Variants in GPCPD1 observed in about 807,000 individuals in gnomAD.
GPCPD1 encodes the protein glycerophosphocholine phosphodiesterase GPCPD1.
GPCPD1 carries 29 observed loss-of-function variants against 89.2 expected under a neutral mutation model. The observed-to-expected ratio is 0.33, with a 90% CI of 0.24 to 0.44. The LOEUF is 0.44. Ranked by LOEUF, GPCPD1 falls within the 20% of genes least tolerant of loss-of-function variation. The pLI is 1.00. For synonymous variants in GPCPD1, 258 were observed against 266.3 expected (o/e 0.97, Z 0.30); for missense variants, 594 against 808.9 (o/e 0.73, Z 3.22).
chr20:5,582,254 G>A (rs1370977820), intron 6 of GPCPD1, among the ~76,000 whole-genome samples: 2 of 136,022 alleles, frequency 1.5e-5, no homozygotes, highest in South Asian at 2.5e-4. Flanking sequence ...AACATGTAGT[G>A]TAAATATTAC....
At chr20:5,583,139 G>A (rs6107656) in intron 6 of GPCPD1, among the ~76,000 whole-genome samples, 22,206 of 148,350 alleles carry the variant, frequency 0.15, 1,826 homozygotes, top group Middle Eastern at 0.21. Flanking sequence ...CAGGAGAATC[G>A]CTTGAACCTG....
Position 5,580,131 on chromosome 20 carries a change from T to C in GPCPD1, c.350A>G (p.Asn117Ser), listed in dbSNP as rs1978354290. 6.9e-7 allele frequency: 1 copy of C among 1,440,520 alleles called. No homozygotes were observed. The highest frequency in any genetic ancestry group is 9.7e-7 in the Non-Finnish European group (1 of 1,031,812). 89.2% of individuals were successfully genotyped at this position (1,440,520 alleles called of 1,614,324 possible). A position where few individuals can be genotyped will look rare whatever the true frequency, so the allele number is the denominator to read the frequency against. Reference protein sequence around the residue: ...IIDDGQFGIHNGVETLDSGWL... With the variant: ...IIDDGQFGIHSGVETLDSGWL... Reference sequence around the variant, plus strand: ...TCCAGAATCCAGAGTTTCAACACCATCTGACAGAATAAATATGAAGAACAG... The same window carrying C: ...TCCAGAATCCAGAGTTTCAACACCACCTGACAGAATAAATATGAAGAACAG... Residue 117 changes from asparagine to serine, a missense_variant and splice_region_variant, in exon 7 of 20, where the codon AAT becomes AGT. Transcript: ENST00000379019.
At position 5,584,269 on chromosome 20, in the gene GPCPD1, A is replaced by G; in HGVS notation, c.349+12T>C. ...ATTTCAGTAAACATTTAAGTAAGTC[A>G]GTCTCACTTACTGTGGATTCCAAAT... On this transcript the variant is annotated intron_variant, in intron 6 of 19. Transcript: ENST00000379019. The G allele has an allele frequency of 4.0e-6, 5 of 1,245,304 alleles. No individual in the cohort carries two copies. Among genetic ancestry groups the G allele is most frequent in the Non-Finnish European group, 4.7e-6 (4 of 851,116 alleles). The allele number at this position is 1,245,304 out of a possible 1,614,324, so 77.1% of individuals were successfully genotyped here.
intron 12 of GPCPD1, 50 bp from the exon 13 acceptor site, chr20:5,567,610 TAAGAG>T: frequency 6.8e-7 from 1 of 1,472,572 alleles, no homozygotes. Flanking sequence ...TAAAGAAAAT[TAAGAG>T]AAAAGTAAGC....
At chr20:5,559,585 AT>A (rs11459602) in intron 17 of GPCPD1, among the ~76,000 whole-genome samples, 2 of 151,986 alleles carry the variant, frequency 1.3e-5, no homozygotes, top group African/African-American at 2.4e-5. Context: ...CTCAAAAACA[AT>A]TTTTTTTAAT....
chr20:5,577,126 G>A (rs1325182247), intron 8 of GPCPD1, among the ~76,000 whole-genome samples: 2 of 141,824 alleles, frequency 1.4e-5, no homozygotes, highest in Non-Finnish European at 3.0e-5. Context: ...GTGCAGTGGT[G>A]TGATCTTGGC....
At chr20:5,595,432 G>A (rs1979644643) in intron 3 of GPCPD1, among the ~76,000 whole-genome samples, 1 of 151,968 alleles carries the variant, frequency 6.6e-6, no homozygotes, top group Non-Finnish European at 1.5e-5. Flanking sequence ...CATGAGGTCA[G>A]GAGTTCAAGA....
At chr20:5,592,474 C>A (rs1979395605) in intron 4 of GPCPD1, among the ~76,000 whole-genome samples, 1 of 152,086 alleles carries the variant, frequency 6.6e-6, no homozygotes. Flanking sequence ...CATTTTTTGT[C>A]ATTTTGTCTC....
At chr20:5,608,622 GA>G (rs11475484) in intron 1 of GPCPD1, among the ~76,000 whole-genome samples, 106,217 of 150,018 alleles carry the variant, frequency 0.71, 38,561 homozygotes, top group African/African-American at 0.89. Context: ...AAACAAGGAA[GA>G]AAAAAAAAAA....
intron 19 of GPCPD1, among the ~76,000 whole-genome samples, chr20:5,550,482 T>A (rs552125660): frequency 9.2e-5 from 14 of 152,142 alleles, no homozygotes; most frequent in Non-Finnish European, 1.9e-4. Context: ...GGTTACCAAG[T>A]GTCCAGCAAA....
chr20:5,548,551 A>G (rs1214294347), intron 19 of GPCPD1, among the ~76,000 whole-genome samples: 1 of 152,234 alleles, frequency 6.6e-6, no homozygotes, highest in African/African-American at 2.4e-5. Context: ...CATATCTAAG[A>G]GAATGAAAAA....
At chr20:5,600,769 C>T (rs939756477) in intron 2 of GPCPD1, among the ~76,000 whole-genome samples, 7 of 152,066 alleles carry the variant, frequency 4.6e-5, no homozygotes, top group Middle Eastern at 3.4e-3. Context: ...GAGGCTGAGG[C>T]TGCAGTGAGC....
intron 2 of GPCPD1, among the ~76,000 whole-genome samples, chr20:5,600,740 G>A (rs1411467001): frequency 6.6e-6 from 1 of 152,154 alleles, no homozygotes; most frequent in African/African-American, 2.4e-5. Flanking sequence ...GCTGAGGCAG[G>A]AGAATCAATT....
intron 12 of GPCPD1, 109 bp downstream of exon 12, chr20:5,570,038 T>A (rs1468880717): frequency 9.4e-6 from 5 of 532,392 alleles, no homozygotes; most frequent in African/African-American, 2.0e-5. Context: ...ACCAAGAAAA[T>A]GAATTAACCA....
chr20:5,569,373 C>G (rs1986578358), intron 12 of GPCPD1, among the ~76,000 whole-genome samples: 1 of 151,976 alleles, frequency 6.6e-6, no homozygotes, highest in African/African-American at 2.4e-5. Context: ...AGTCTAAGTC[C>G]CCGAGAAATC....
At chr20:5,550,863 G>A (rs1435089348) in intron 19 of GPCPD1, among the ~76,000 whole-genome samples, 1 of 152,186 alleles carries the variant, frequency 6.6e-6, no homozygotes, top group Non-Finnish European at 1.5e-5. Context: ...ATCTAACACA[G>A]AGAATGGCAG....
chr20:5,596,005 T>C (rs1209765730), intron 3 of GPCPD1, among the ~76,000 whole-genome samples: 1 of 152,072 alleles, frequency 6.6e-6, no homozygotes, highest in East Asian at 1.9e-4. Flanking sequence ...TCCCAAGTGA[T>C]TCTAATGCGA....
rs965781825 is a variant in GPCPD1 at position 5,610,429 on chromosome 20, A to T, written c.-29+413T>A. Among the ~76,000 whole-genome samples, 30 of 152,080 alleles carry T rather than the reference A, an allele frequency of 2.0e-4. 1 individual carries two copies. Among genetic ancestry groups the T allele is most frequent in the Admixed American group, 9.2e-4 (14 of 15,272 alleles). ...AACTTAGGGACAGAGAGCGGCGGTG[A>T]GCCGGGGGCCGCTGTGGGGCAGGGG... On this transcript the variant is annotated intron_variant, in intron 1 of 19. Transcript: ENST00000379019.
At position 5,556,528 on chromosome 20, in the gene GPCPD1, G is replaced by A. The variant is rs533661110; in HGVS notation, c.1829+1417C>T. Among the ~76,000 whole-genome samples the A allele has an allele frequency of 2.0e-3, 303 of 152,188 alleles. 1 individual carries two copies. Among genetic ancestry groups the A allele is most frequent in the African/African-American group, 6.7e-3 (278 of 41,534 alleles). On this transcript the variant is annotated intron_variant, in intron 19 of 19. Transcript: ENST00000379019. ...CTAAACATAACATTTATATGCACTCGGAACCAAAAGATTTAGGACTTGCTT... is the reference window on the plus strand; with the variant it reads ...CTAAACATAACATTTATATGCACTCAGAACCAAAAGATTTAGGACTTGCTT...
Sources: gnomAD v4.1 joint callset for allele counts (sites outside exome capture counted in the v4.1 genomes callset) on GRCh38, gnomAD v4.1.1 for gene constraint, MANE v1.5 for transcripts, NCBI Gene and HGNC (gene_info 2026-07-23, HGNC 2026-07-21) for gene names.